CSE1L: variants seen among roughly 807,000 people sequenced by gnomAD.
CSE1L encodes chromosome segregation 1 like.
A neutral mutation model predicts 120.4 loss-of-function variants in CSE1L; 24 were observed. The observed-to-expected ratio is 0.20, with a 90% confidence interval of 0.14 to 0.28. The LOEUF is 0.28. Among genes scored for constraint, CSE1L ranks in the 10% least tolerant of loss-of-function variants. The pLI, the probability that CSE1L is intolerant of heterozygous loss-of-function variation, is 1.00. For synonymous variants in CSE1L, 402 were observed against 398.3 expected (o/e 1.01, Z -0.11); for missense variants, 830 against 1,145.2 (o/e 0.72, Z 3.97).
rs887182201 is a variant in CSE1L, at chr20:49,081,487, A to G, written c.1483-2539A>G. On this transcript the variant is annotated intron_variant, in intron 14 of 24. Coordinates refer to ENST00000262982, the MANE Select transcript of CSE1L (RefSeq NM_001316.4). ...TTTAAAAAATCAATTGAGAAAAATT[A>G]TAGAGAATACCTGCTTCCCCAGTTA... Among the ~76,000 whole-genome samples, 3 of 152,232 alleles carry G rather than the reference A, an allele frequency of 2.0e-5. No homozygotes were observed. The South Asian group carries it at 6.2e-4, about 32-fold the overall frequency.
rs1243512927 is a variant in CSE1L at position 49,058,420 on chromosome 20, G to T, written c.-11-33G>T. The T allele has an allele frequency of 4.2e-6, 6 of 1,424,656 alleles. No individual in the cohort carries two copies. The African/African-American group carries it at 4.3e-5, about 10-fold the overall frequency. The allele number at this position is 1,424,656 out of a possible 1,614,324, so 88.3% of individuals were successfully genotyped here. On this transcript the variant is annotated intron_variant, in intron 1 of 24. Transcript: ENST00000262982. ...AATGTAAATCACTTTTTCCGTAAGT[G>T]ACCAGTTATCCAAACCTTATTTTAT...
intron 19 of CSE1L, among the ~76,000 whole-genome samples, chr20:49,090,255 T>C (rs1167004454): frequency 6.6e-6 from 1 of 152,218 alleles, no homozygotes; most frequent in Non-Finnish European, 1.5e-5. Context: ...CCAAACAGGT[T>C]GATTTTAAGA....
Position 49,075,341 on chromosome 20 carries a change from G to T in CSE1L, c.1156G>T (p.Ala386Ser). 6.2e-7 allele frequency: 1 copy of T among 1,613,800 alleles called. No individual in the cohort carries two copies. Residue 386 changes from alanine to serine, a missense_variant, in exon 12 of 25, where the codon GCT (alanine) becomes TCT (serine). Ala to Ser is a moderately conservative substitution (Grantham distance 99, BLOSUM62 1). Coordinates refer to ENST00000262982, the MANE Select transcript of CSE1L (RefSeq NM_001316.4). ...GSDIDTRRRA[A>S]CDLVRGLCKF... Reference sequence around the variant, plus strand: ...AGATATTGATACTAGACGCAGGGCTGCTTGTGATCTGGTACGAGGATTATG... The same window carrying T: ...AGATATTGATACTAGACGCAGGGCTTCTTGTGATCTGGTACGAGGATTATG...
At chr20:49,081,134 C>T (rs939609668) in intron 14 of CSE1L, among the ~76,000 whole-genome samples, 1 of 151,978 alleles carries the variant, frequency 6.6e-6, no homozygotes, top group African/African-American at 2.4e-5. Flanking sequence ...CACGTGCCTG[C>T]CACCATACCC....
At chr20:49,064,842 A>G (rs1179303553) in intron 3 of CSE1L, among the ~76,000 whole-genome samples, 1 of 150,900 alleles carries the variant, frequency 6.6e-6, no homozygotes, top group Non-Finnish European at 1.5e-5. Flanking sequence ...GATGCATTCT[A>G]ACTAGTAATG....
At chr20:49,057,576 C>A (rs996935338) in intron 1 of CSE1L, among the ~76,000 whole-genome samples, 1 of 151,506 alleles carries the variant, frequency 6.6e-6, no homozygotes, top group Non-Finnish European at 1.5e-5. Flanking sequence ...CCTCAGCCTT[C>A]CGAGTAGCTG....
intron 1 of CSE1L, among the ~76,000 whole-genome samples, chr20:49,050,771 C>G (rs1455947285): frequency 2.6e-5 from 4 of 151,836 alleles, no homozygotes; most frequent in African/African-American, 4.8e-5. Flanking sequence ...GTTGCCAAGT[C>G]TGGTCTTGAA....
rs971314079 is a variant in CSE1L, at chr20:49,096,840, T to G, written c.*402T>G. On this transcript the variant is annotated 3_prime_UTR_variant, in exon 25 of 25. Coordinates refer to ENST00000262982, the MANE Select transcript of CSE1L (RefSeq NM_001316.4). ...TTTTTTGTCTGTTTATTTACGCTTT[T>G]ATTGGAAATGTGAATAAGTAAAGAA... The G allele has an allele frequency of 3.0e-5, 5 of 169,068 alleles. No individual in the cohort carries two copies. Among genetic ancestry groups the G allele is most frequent in the African/African-American group, 1.2e-4 (5 of 41,812 alleles). 10.5% of individuals were successfully genotyped at this position (169,068 alleles called of 1,614,324 possible). A position where few individuals can be genotyped will look rare whatever the true frequency, so the allele number is the denominator to read the frequency against.
intron 16 of CSE1L, among the ~76,000 whole-genome samples, chr20:49,087,742 C>G (rs2092071258): frequency 6.6e-6 from 1 of 152,122 alleles, no homozygotes; most frequent in African/African-American, 2.4e-5. Context: ...CTGTTTCTTC[C>G]TCTTAGTCAA....
intron 23 of CSE1L, 61 bp downstream of exon 23, chr20:49,094,347 TTAA>T (rs2092123910): frequency 1.3e-5 from 20 of 1,482,376 alleles, no homozygotes; most frequent in Middle Eastern, 3.5e-4. Context: ...GACTGCAAAA[TTAA>T]CAAAGCTTAT....
At chr20:49,057,615 G>A (rs958503344) in intron 1 of CSE1L, among the ~76,000 whole-genome samples, 12 of 151,870 alleles carry the variant, frequency 7.9e-5, no homozygotes, top group Non-Finnish European at 5.9e-5. Flanking sequence ...ACCATGCCTG[G>A]CTAATTTTTT....
intron 13 of CSE1L, among the ~76,000 whole-genome samples, chr20:49,077,711 A>G (rs1007496979): frequency 1.3e-5 from 2 of 152,198 alleles, no homozygotes; most frequent in Non-Finnish European, 2.9e-5. Context: ...GATAAATATT[A>G]AGGATATCTT....
At chr20:49,065,457 G>A (rs1376910241) in intron 3 of CSE1L, among the ~76,000 whole-genome samples, 2 of 150,552 alleles carry the variant, frequency 1.3e-5, no homozygotes, top group Non-Finnish European at 3.0e-5. Flanking sequence ...TGAGTAGTTA[G>A]TGTTACAGGT....
chr20:49,069,070 T>C (rs984674798), intron 7 of CSE1L, among the ~76,000 whole-genome samples: 14 of 152,292 alleles, frequency 9.2e-5, no homozygotes, highest in African/African-American at 2.9e-4. Flanking sequence ...TAACTCACTC[T>C]TGGAGAGTCA....
intron 1 of CSE1L, among the ~76,000 whole-genome samples, chr20:49,055,457 C>A (rs1018786062): frequency 2.6e-5 from 4 of 152,124 alleles, no homozygotes; most frequent in African/African-American, 9.7e-5. Flanking sequence ...TGGGTCATGC[C>A]TGTAATCCCA....
chr20:49,050,268 G>T (rs1264241690), intron 1 of CSE1L, among the ~76,000 whole-genome samples: 2 of 149,788 alleles, frequency 1.3e-5, no homozygotes, highest in Non-Finnish European at 1.5e-5. Flanking sequence ...ACCCATACTG[G>T]ACTGCAGTGG....
intron 21 of CSE1L, 62 bp from the exon 22 acceptor site, chr20:49,091,984 T>C: frequency 1.1e-6 from 1 of 871,820 alleles, no homozygotes; most frequent in Non-Finnish European, 1.9e-6. Context: ...TTTGCAGACT[T>C]ATCAGTTACC....
At chr20:49,058,175 G>A (rs1192249011) in intron 1 of CSE1L, among the ~76,000 whole-genome samples, 1 of 151,768 alleles carries the variant, frequency 6.6e-6, no homozygotes, top group African/African-American at 2.4e-5. Flanking sequence ...TGGTGACTTC[G>A]AGCAGTCCTT....
chr20:49,047,700 C>T (rs561547447), intron 1 of CSE1L, among the ~76,000 whole-genome samples: 1 of 150,930 alleles, frequency 6.6e-6, no homozygotes, highest in Non-Finnish European at 1.5e-5. Context: ...CCTCAGCCTC[C>T]CGAATAGCTG....
Sources: allele counts gnomAD v4.1 joint callset (sites outside exome capture counted in the v4.1 genomes callset), GRCh38; gene constraint gnomAD v4.1.1; transcripts MANE v1.5; gene names NCBI Gene and HGNC (gene_info 2026-07-23, HGNC 2026-07-21).